The following SNX7 variants were observed in gnomAD, a reference collection of about 807,000 sequenced individuals.
SNX7 encodes sorting nexin-7.
In SNX7, 35 loss-of-function variants were observed where a neutral mutation model predicts 48.4. The ratio of observed to expected loss-of-function variants is 0.72; its 90% CI spans 0.55 to 0.96. The LOEUF (loss-of-function observed/expected upper bound fraction) is 0.96, where lower values mean the gene tolerates loss of function less well. SNX7 is among the 40% of genes least tolerant of loss of function. The pLI is 0.00. For missense variants in SNX7, 553 were observed against 548.9 expected, an observed-to-expected ratio of 1.01 and a Z score of -0.07; for synonymous variants, 190 against 190.2, an observed-to-expected ratio of 1.00 and a Z score of 0.01.
At chr1:98,752,295 A>G (rs959088220) in intron 8 of SNX7, among the ~76,000 whole-genome samples, 4 of 152,060 alleles carry the variant, frequency 2.6e-5, no homozygotes, top group African/African-American at 9.7e-5. Flanking sequence ...GGAGCCTTAG[A>G]GATCATCTTT....
At chr1:98,664,261 A>AGAGTATGAATTTCCCCAGCACTTT (rs1167697042) in intron 1 of SNX7, among the ~76,000 whole-genome samples, 2 of 152,182 alleles carry the variant, frequency 1.3e-5, no homozygotes, top group African/African-American at 2.4e-5. Context: ...AGCTTTTTAA[A>AGAGTATGAATTTCCCCAGCACTTT]GAGTATGAAT....
chr1:98,697,304 T>A, intron 5 of SNX7, among the ~76,000 whole-genome samples: 1 of 151,912 alleles, frequency 6.6e-6, no homozygotes. Context: ...TTCATATTTT[T>A]AAACTTTTTA....
chr1:98,752,264 C>T (rs978863318), intron 8 of SNX7, among the ~76,000 whole-genome samples: 2 of 151,898 alleles, frequency 1.3e-5, no homozygotes, highest in South Asian at 2.1e-4. Flanking sequence ...AGGTTTCGTA[C>T]TCAAGAGCAA....
At chr1:98,742,954 A>G (rs1343239288) in intron 8 of SNX7, among the ~76,000 whole-genome samples, 1 of 152,006 alleles carries the variant, frequency 6.6e-6, no homozygotes, top group African/African-American at 2.4e-5. Flanking sequence ...ATGATACATC[A>G]TACTGATGTA....
intron 4 of SNX7, among the ~76,000 whole-genome samples, chr1:98,694,596 A>ATTTT (rs764330196): frequency 0.16 from 8,355 of 53,276 alleles, 2,108 homozygotes; most frequent in Non-Finnish European, 0.17. Context: ...TTGCTCTGGG[A>ATTTT]TTTTTTTTTT....
At chr1:98,754,108 A>G (rs1356532047) in intron 8 of SNX7, among the ~76,000 whole-genome samples, 1 of 152,014 alleles carries the variant, frequency 6.6e-6, no homozygotes, top group African/African-American at 2.4e-5. Flanking sequence ...AGCAATGGAC[A>G]TTGGAATTTG....
intron 1 of SNX7, among the ~76,000 whole-genome samples, chr1:98,674,459 T>C (rs1650051277): frequency 1.3e-5 from 2 of 152,194 alleles, no homozygotes; most frequent in Admixed American, 1.3e-4. Context: ...CCTCCATCCA[T>C]GTTTCTGTGT....
At position 98,729,495 on chromosome 1, in the gene SNX7, G is replaced by GGT. The variant is rs1653374542; in HGVS notation, c.1126-8742_1126-8741insGT. 3.1e-5 allele frequency among the ~76,000 whole-genome samples: 3 copies of GGT among 97,428 alleles called. No individual in the cohort carries two copies. The South Asian group carries it at 1.1e-3, about 37-fold the overall frequency. 63.9% of individuals were successfully genotyped at this position (97,428 alleles called of 152,430 possible). A position where few individuals can be genotyped will look rare whatever the true frequency, so the allele number is the denominator to read the frequency against. On this transcript the variant is annotated intron_variant, in intron 7 of 8. Coordinates refer to ENST00000306121, the MANE Select transcript of SNX7 (RefSeq NM_015976.5). ...CAAAAAATCAGTGAATCCAGGAGCT[G>GGT]ATTTTTTTTTTGAAAAATTAATATT...
chr1:98,665,622 C>T (rs1223724192), intron 1 of SNX7, among the ~76,000 whole-genome samples: 2 of 152,016 alleles, frequency 1.3e-5, no homozygotes, highest in Non-Finnish European at 2.9e-5. Flanking sequence ...GAGTTTTGCT[C>T]TTATTATCTA....
At chr1:98,745,137 T>A (rs1029853232) in intron 8 of SNX7, among the ~76,000 whole-genome samples, 19 of 152,042 alleles carry the variant, frequency 1.2e-4, no homozygotes, top group African/African-American at 4.3e-4. Context: ...GATAGAGTTG[T>A]TCAGCATAGT....
In SNX7 at chr1:98,663,252, GGTT is replaced by G. The variant is rs1463234122; in HGVS notation, c.180+1342_180+1344del. On this transcript the variant is annotated intron_variant, in intron 1 of 8. Transcript: ENST00000306121. ...ATCAGAATCATCAGGGTTTCTTTCT[GGTT>G]TTTTTTTTTTTTTTTTTTTTTTTTT... Among the ~76,000 whole-genome samples, 73 of 83,148 alleles carry G rather than the reference GGTT, an allele frequency of 8.8e-4. 19 individuals carry two copies. Among genetic ancestry groups the G allele is most frequent in the African/African-American group, 2.6e-3 (48 of 18,290 alleles). 54.5% of individuals were successfully genotyped at this position (83,148 alleles called of 152,430 possible).
chr1:98,699,833 G>C (rs1651659319), intron 6 of SNX7, among the ~76,000 whole-genome samples: 1 of 152,134 alleles, frequency 6.6e-6, no homozygotes, highest in Non-Finnish European at 1.5e-5. Context: ...GACATTTCAG[G>C]CTTTGGCTGT....
At chr1:98,672,226 G>A (rs566677217) in intron 1 of SNX7, among the ~76,000 whole-genome samples, 7 of 151,930 alleles carry the variant, frequency 4.6e-5, no homozygotes, top group South Asian at 2.1e-4. Flanking sequence ...TTCTGCTCTC[G>A]GCTTTGACTC....
At chr1:98,705,495 G>A (rs1011264061) in intron 7 of SNX7, among the ~76,000 whole-genome samples, 1 of 152,176 alleles carries the variant, frequency 6.6e-6, no homozygotes, top group African/African-American at 2.4e-5. Context: ...AAATTGCTTG[G>A]ATCATAGTAA....
intron 7 of SNX7, among the ~76,000 whole-genome samples, chr1:98,722,810 A>G (rs1401489264): frequency 2.0e-5 from 3 of 152,180 alleles, no homozygotes; most frequent in Non-Finnish European, 4.4e-5. Context: ...TTTAAGTAAG[A>G]ATAACTATCA....
At chr1:98,693,994 C>A (rs1418883000) in intron 4 of SNX7, among the ~76,000 whole-genome samples, 2 of 152,086 alleles carry the variant, frequency 1.3e-5, no homozygotes, top group Admixed American at 6.5e-5. Flanking sequence ...GCAGTATATT[C>A]TTTTATAGGA....
rs1320964336 is a variant in SNX7, at chr1:98,691,935, ACACT to A, written c.639+238_639+241del. On this transcript the variant is annotated intron_variant, in intron 4 of 8. Coordinates refer to ENST00000306121, the MANE Select transcript of SNX7 (RefSeq NM_015976.5). ...TATATACACACACACACACACACACACACTCTCTCTCTCTCTCTCTCTCTCTCTC... is the reference window on the plus strand; with the variant it reads ...TATATACACACACACACACACACACACTCTCTCTCTCTCTCTCTCTCTCTC... Among the ~76,000 whole-genome samples, 239 of 87,370 alleles carry A rather than the reference ACACT, an allele frequency of 2.7e-3. 1 individual carries two copies. The highest frequency in any genetic ancestry group is 0.01 in the African/African-American group (223 of 21,564). 57.3% of individuals were successfully genotyped at this position (87,370 alleles called of 152,430 possible).
At chr1:98,739,035 C>A (rs1438533909) in intron 8 of SNX7, among the ~76,000 whole-genome samples, 1 of 151,966 alleles carries the variant, frequency 6.6e-6, no homozygotes, top group Non-Finnish European at 1.5e-5. Flanking sequence ...CTTTTTCGTA[C>A]CAGGGACAGG....
Position 98,695,651 on chromosome 1 carries a change from A to T in SNX7, c.773A>T (p.Glu258Val), listed in dbSNP as rs1357102581. Residue 258 changes from glutamate (E) to valine (V), a missense_variant, in exon 5 of 9, where the codon GAA (glutamate) becomes GTA (valine). Coordinates refer to ENST00000306121, the MANE Select transcript of SNX7 (RefSeq NM_015976.5). ...EEFMEMNNFIELFSQKINLID... is the reference protein window; with the variant it reads ...EEFMEMNNFIVLFSQKINLID... ...TTCATGGAAATGAATAACTTTATTG[A>T]ACTATTTAGCCAGAAAATAAATTTG... 4 of 1,609,906 alleles carry T rather than the reference A, an allele frequency of 2.5e-6. No homozygotes were observed. Among genetic ancestry groups the T allele is most frequent in the African/African-American group, 1.3e-5 (1 of 74,854 alleles).
Sources: gnomAD v4.1 joint callset for allele counts (sites outside exome capture counted in the v4.1 genomes callset) on GRCh38, gnomAD v4.1.1 for gene constraint, MANE v1.5 for transcripts, NCBI Gene and HGNC (gene_info 2026-07-23, HGNC 2026-07-21) for gene names.